The following CMTM1 variants were observed in gnomAD, a reference collection of about 807,000 sequenced individuals.
CMTM1 encodes CKLF like MARVEL transmembrane domain containing 1.
In CMTM1, 16 loss-of-function variants were observed where a neutral mutation model predicts 17.8. The observed-to-expected ratio is 0.90, with a 90% CI of 0.61 to 1.37. The LOEUF (loss-of-function observed/expected upper bound fraction) is 1.37, where lower values mean the gene tolerates loss of function less well. Ranked by LOEUF, CMTM1 falls within the 40% of genes most tolerant of loss-of-function variation. The pLI is 0.00. For missense variants in CMTM1, 354 were observed against 375.6 expected (o/e 0.94, Z 0.47); for synonymous variants, 169 against 154.6 (o/e 1.09, Z -0.69).
rs577195113 is a variant in CMTM1, at chr16:66,566,441, GACGCTGGTTCCCAGGGGA to G, written c.-72_-55del. The G allele has an allele frequency of 8.0e-4, 1,194 of 1,485,834 alleles. 6 individuals carry two copies. In the African/African-American group the frequency reaches 0.012, roughly 15 times the overall value. 92.0% of individuals were successfully genotyped at this position (1,485,834 alleles called of 1,614,324 possible). A position where few individuals can be genotyped will look rare whatever the true frequency, so the allele number is the denominator to read the frequency against. On this transcript the variant is annotated 5_prime_UTR_variant, in exon 1 of 4. Transcript: ENST00000379500. The surrounding 1 kb of genome is among the most constrained non-coding windows in gnomAD (Gnocchi z 4.9). ...AGGTAGCCAACAGCCGTTGGGACGC[GACGCTGGTTCCCAGGGGA>G]GAGCCAGCCGCTGCCGCGGCACTGG...
chr16:66,576,725 A>G (rs2014295591), intron 2 of CMTM1, among the ~76,000 whole-genome samples: 1 of 152,260 alleles, frequency 6.6e-6, no homozygotes. Context: ...TGCAGAATTT[A>G]CATTAAAAAA....
intron 2 of CMTM1, among the ~76,000 whole-genome samples, chr16:66,573,821 G>T (rs577776638): frequency 6.6e-6 from 1 of 151,320 alleles, no homozygotes; most frequent in South Asian, 2.1e-4. Flanking sequence ...TGAGTAGCTG[G>T]GATTATAGGC....
rs1224611765 is a variant in CMTM1 at position 66,569,938 on chromosome 16, T to C, written c.435T>C (p.Ser145=). The C allele has an allele frequency of 1.3e-6, 2 of 1,592,998 alleles. No individual in the cohort carries two copies. The highest frequency in any genetic ancestry group is 1.7e-6 in the Non-Finnish European group (2 of 1,173,332). The change falls in exon 2 of 4, where the codon AGT becomes AGC. Residue 145 remains serine, a splice_region_variant and synonymous_variant. Coordinates refer to ENST00000379500, the MANE Select transcript of CMTM1 (RefSeq NM_052999.4). ...PTGMLKILRL[S]LILGALACFI... ...AAATCCTGTTTCTTTTATTGCAGAGTCTTATCTTAGGAGCATTAGCTTGTT... is the reference window on the plus strand; with the variant it reads ...AAATCCTGTTTCTTTTATTGCAGAGCCTTATCTTAGGAGCATTAGCTTGTT...
chr16:66,577,587 G>A (rs1016297582), intron 3 of CMTM1, among the ~76,000 whole-genome samples: 1 of 152,124 alleles, frequency 6.6e-6, no homozygotes, highest in Admixed American at 6.5e-5. Flanking sequence ...TCTAAAGTGA[G>A]GAATCCAGCC....
At chr16:66,567,154 CTTTT>C (rs58132277) in intron 1 of CMTM1, 19 of 555,860 alleles carry the variant, frequency 3.4e-5, no homozygotes, top group Non-Finnish European at 4.0e-5. Flanking sequence ...CCTATTTTTT[CTTTT>C]TTTTTTTTTT....
intron 1 of CMTM1, among the ~76,000 whole-genome samples, chr16:66,568,918 T>G (rs2013059690): frequency 6.6e-6 from 1 of 152,064 alleles, no homozygotes; most frequent in Non-Finnish European, 1.5e-5. Flanking sequence ...ATATATGCTT[T>G]CTTTCAGCTA....
At chr16:66,577,983 A>G (rs1007381293) in intron 3 of CMTM1, among the ~76,000 whole-genome samples, 2 of 152,242 alleles carry the variant, frequency 1.3e-5, no homozygotes, top group African/African-American at 4.8e-5. Flanking sequence ...CTGGGGATAG[A>G]GCCCTTTCCC....
intron 1 of CMTM1, among the ~76,000 whole-genome samples, chr16:66,567,642 A>G (rs765215164): frequency 2.0e-5 from 3 of 152,278 alleles, no homozygotes; most frequent in Non-Finnish European, 1.5e-5. Context: ...AAGTTAGGAA[A>G]CAAAAATAAT....
intron 1 of CMTM1, among the ~76,000 whole-genome samples, chr16:66,568,996 G>A (rs2013075099): frequency 6.6e-6 from 1 of 152,044 alleles, no homozygotes; most frequent in Non-Finnish European, 1.5e-5. Context: ...ATTTAGTCAG[G>A]TGACTCGTTA....
chr16:66,566,454 A>G lies in CMTM1; in HGVS notation c.-60A>G, dbSNP rs2012340904. The G allele has an allele frequency of 1.3e-6, 2 of 1,500,018 alleles. No individual in the cohort carries two copies. Among genetic ancestry groups the G allele is most frequent in the African/African-American group, 1.4e-5 (1 of 69,810 alleles). The allele number at this position is 1,500,018 out of a possible 1,614,324, so 92.9% of individuals were successfully genotyped here. Reference sequence around the variant, plus strand: ...CCGTTGGGACGCGACGCTGGTTCCCAGGGGAGAGCCAGCCGCTGCCGCGGC... The same window carrying G: ...CCGTTGGGACGCGACGCTGGTTCCCGGGGGAGAGCCAGCCGCTGCCGCGGC... On this transcript the variant is annotated 5_prime_UTR_variant, in exon 1 of 4. Transcript: ENST00000379500. The surrounding 1 kb of genome is among the most constrained non-coding windows in gnomAD (Gnocchi z 4.9).
chr16:66,577,351 A>G, intron 3 of CMTM1, 149 bp downstream of exon 3: 1 of 589,326 alleles, frequency 1.7e-6, no homozygotes, highest in Non-Finnish European at 3.0e-6. Flanking sequence ...GGTGATATGA[A>G]GTTGCACAAA....
intron 3 of CMTM1, 130 bp from the exon 4 acceptor site, chr16:66,578,701 A>C: frequency 8.2e-7 from 1 of 1,213,336 alleles, no homozygotes; most frequent in Non-Finnish European, 1.1e-6. Context: ...CCAAGAAAGT[A>C]GTGAAGGGTC....
At chr16:66,568,852 C>T (rs1302588743) in intron 1 of CMTM1, among the ~76,000 whole-genome samples, 2 of 150,496 alleles carry the variant, frequency 1.3e-5, no homozygotes, top group Non-Finnish European at 2.9e-5. Flanking sequence ...CACCACTGCA[C>T]TCCAGCCTGA....
chr16:66,574,668 T>C (rs992632766), intron 2 of CMTM1, among the ~76,000 whole-genome samples: 4 of 152,134 alleles, frequency 2.6e-5, no homozygotes, highest in Non-Finnish European at 4.4e-5. Flanking sequence ...AACAAGGAGA[T>C]AAAATTATGA....
At chr16:66,577,689 G>A (rs1053737059) in intron 3 of CMTM1, among the ~76,000 whole-genome samples, 36 of 152,092 alleles carry the variant, frequency 2.4e-4, no homozygotes, top group African/African-American at 8.5e-4. Flanking sequence ...CACCAAGCAG[G>A]GCACACTCTG....
At chr16:66,571,983 C>A (rs1248830897) in intron 2 of CMTM1, among the ~76,000 whole-genome samples, 1 of 152,240 alleles carries the variant, frequency 6.6e-6, no homozygotes, top group Non-Finnish European at 1.5e-5. Context: ...GGGTTACAGG[C>A]CTTTGGTCAA....
Position 66,577,121 on chromosome 16 carries a change from C to G in CMTM1, c.609C>G (p.Ile203Met). The G allele has an allele frequency of 6.2e-7, 1 of 1,613,494 alleles. No individual in the cohort carries two copies. The highest frequency in any genetic ancestry group is 2.2e-5 in the East Asian group (1 of 44,866). ...HWPLLDLTNS[I>M]ITAVFLSVVA... ...TATTACAGGATCTTACCAACAGTAT[C>G]ATTACAGCTGTGTTCCTTTCAGTAG... The change falls in exon 3 of 4, where the codon ATC (isoleucine) becomes ATG (methionine). Residue 203 changes from isoleucine (I) to methionine (M), a missense_variant. Ile to Met is a conservative substitution (Grantham distance 10). Transcript: ENST00000379500.
At chr16:66,567,438 A>C (rs890556341) in intron 1 of CMTM1, 4 of 243,720 alleles carry the variant, frequency 1.6e-5, no homozygotes, top group African/African-American at 9.3e-5. Context: ...TAGTTTGCTG[A>C]GAATAATGGT....
chr16:66,577,749 ATAC>A (rs2014423277), intron 3 of CMTM1, among the ~76,000 whole-genome samples: 1 of 152,234 alleles, frequency 6.6e-6, no homozygotes, highest in Non-Finnish European at 1.5e-5. Flanking sequence ...CTGAGGTTAA[ATAC>A]CTTGCTCTGG....
Sources: allele counts gnomAD v4.1 joint callset (sites outside exome capture counted in the v4.1 genomes callset), GRCh38; gene constraint gnomAD v4.1.1; non-coding constraint Gnocchi (gnomAD v3.1); transcripts MANE v1.5; gene names NCBI Gene and HGNC (gene_info 2026-07-23, HGNC 2026-07-21).